Variants in MAGI1 observed in about 807,000 individuals in gnomAD.
The protein encoded by MAGI1 is membrane-associated guanylate kinase, WW and PDZ domain-containing protein 1.
Under a neutral mutation model 139.9 loss-of-function variants are expected in MAGI1, and 58 were observed. The ratio of observed to expected loss-of-function variants is 0.41; its 90% CI spans 0.34 to 0.52. MAGI1 has a LOEUF of 0.52. MAGI1 is among the 20% of genes least tolerant of loss of function. The pLI, the probability that MAGI1 is intolerant of heterozygous loss-of-function variation, is 0.12. For synonymous variants in MAGI1, 812 were observed against 737.9 expected (o/e 1.10, Z -1.63); for missense variants, 1,874 against 1,901.6 (o/e 0.99, Z 0.27).
At chr3:65,883,203 G>T (rs71306783) in intron 1 of MAGI1, among the ~76,000 whole-genome samples, 2,869 of 152,182 alleles carry the variant, frequency 0.019, 41 homozygotes, top group Non-Finnish European at 0.03. Context: ...TTCGAAATGA[G>T]CCCAAAATAT....
rs202205488 is a variant in MAGI1, at chr3:65,938,316, CTAAA to C, written c.313+99676_313+99679del. Among the ~76,000 whole-genome samples the C allele has an allele frequency of 1.9e-3, 283 of 147,450 alleles. 2 individuals are homozygous for C. Among genetic ancestry groups the C allele is most frequent in the Non-Finnish European group, 3.1e-3 (206 of 67,030 alleles). Reference sequence around the variant, plus strand: ...ATTATAATATATTAACATAATTATACTAAATAAATTAATATAAATATATTAAATG... The same window carrying C: ...ATTATAATATATTAACATAATTATACTAAATTAATATAAATATATTAAATG... On this transcript the variant is annotated intron_variant, in intron 1 of 22. Coordinates refer to ENST00000402939, the MANE Select transcript of MAGI1 (RefSeq NM_001033057.2).
At chr3:65,783,818 A>AAATT (rs1420942592) in intron 1 of MAGI1, among the ~76,000 whole-genome samples, 17 of 151,624 alleles carry the variant, frequency 1.1e-4, no homozygotes, top group African/African-American at 4.1e-4. Context: ...AAAAAAAAAA[A>AAATT]AATTAATTTT....
chr3:65,755,241 C>G (rs926826467), intron 1 of MAGI1, among the ~76,000 whole-genome samples: 3 of 152,120 alleles, frequency 2.0e-5, no homozygotes, highest in East Asian at 1.9e-4. Flanking sequence ...AGCCACCGCG[C>G]TCGGCCACAA....
chr3:66,008,707 G>C (rs947366613), intron 1 of MAGI1: 5 of 152,066 alleles, frequency 3.3e-5, no homozygotes, highest in African/African-American at 1.2e-4. Context: ...GAGTATGGGG[G>C]GGCAGGGAAC....
rs397989928 is a variant in MAGI1, at chr3:65,910,855, C to CTTTT, written c.313+127137_313+127140dup. ...TGAGGCCTCTTTCAGACATGGTGGACTTTTTTTTTTTTTTTTTTTTGAGAT... is the reference window on the plus strand; with the variant it reads ...TGAGGCCTCTTTCAGACATGGTGGACTTTTTTTTTTTTTTTTTTTTTTTTGAGAT... On this transcript the variant is annotated intron_variant, in intron 1 of 22. Coordinates refer to ENST00000402939, the MANE Select transcript of MAGI1 (RefSeq NM_001033057.2). Among the ~76,000 whole-genome samples, 6 of 59,478 alleles carry CTTTT rather than the reference C, an allele frequency of 1.0e-4. 2 individuals carry two copies. The highest frequency in any genetic ancestry group is 3.9e-4 in the African/African-American group (5 of 12,680). The allele number at this position is 59,478 out of a possible 152,430, so 39.0% of individuals were successfully genotyped here.
chr3:65,556,596 C>T (rs145850941), intron 2 of MAGI1, among the ~76,000 whole-genome samples: 2 of 152,314 alleles, frequency 1.3e-5, no homozygotes, highest in African/African-American at 4.8e-5. Context: ...CAATTTTCCT[C>T]CTAAATATAT....
chr3:65,674,906 A>G (rs1250992677), intron 1 of MAGI1, among the ~76,000 whole-genome samples: 1 of 152,170 alleles, frequency 6.6e-6, no homozygotes, highest in Non-Finnish European at 1.5e-5. Context: ...TACACTTCAA[A>G]CTTCCTGTAG....
At position 65,533,437 on chromosome 3, in the gene MAGI1, C is replaced by T. The variant is rs907761006; in HGVS notation, c.431-39806G>A. Among the ~76,000 whole-genome samples, 14 of 152,126 alleles carry T rather than the reference C, an allele frequency of 9.2e-5. 1 individual carries two copies. The highest frequency in any genetic ancestry group is 1.5e-5 in the Non-Finnish European group (1 of 68,008). On this transcript the variant is annotated intron_variant, in intron 2 of 22. Coordinates refer to ENST00000402939, the MANE Select transcript of MAGI1 (RefSeq NM_001033057.2). Reference sequence around the variant, plus strand: ...CTTAGGAAGAAACTCAGACTGTACCCGTAATTGTCATTTTTGGATCCATTT... The same window carrying T: ...CTTAGGAAGAAACTCAGACTGTACCTGTAATTGTCATTTTTGGATCCATTT...
intron 3 of MAGI1, among the ~76,000 whole-genome samples, chr3:65,484,835 T>C (rs1951527615): frequency 6.6e-6 from 1 of 152,210 alleles, no homozygotes; most frequent in South Asian, 2.1e-4. Flanking sequence ...AGTTCTTATA[T>C]GTTCTCAAGG....
intron 22 of MAGI1, among the ~76,000 whole-genome samples, chr3:65,358,133 C>T (rs1370410619): frequency 6.6e-6 from 1 of 152,090 alleles, no homozygotes; most frequent in African/African-American, 2.4e-5. Flanking sequence ...GGTTTAAAAG[C>T]AGGGCAGCCC....
intron 1 of MAGI1, among the ~76,000 whole-genome samples, chr3:65,979,441 A>G (rs897278030): frequency 1.3e-5 from 2 of 152,050 alleles, no homozygotes; most frequent in Admixed American, 6.6e-5. Flanking sequence ...GGGAAGTGCT[A>G]TTTTTCTTCA....
At chr3:65,584,002 A>T (rs1278320672) in intron 2 of MAGI1, among the ~76,000 whole-genome samples, 1 of 151,774 alleles carries the variant, frequency 6.6e-6, no homozygotes, top group Non-Finnish European at 1.5e-5. Flanking sequence ...GCAATAAAAT[A>T]ATAATTAACA....
chr3:65,405,805 G>C (rs949988189), intron 12 of MAGI1, among the ~76,000 whole-genome samples: 7 of 133,016 alleles, frequency 5.3e-5, no homozygotes, highest in African/African-American at 1.8e-4. Context: ...ATGTTGGTAA[G>C]GCTGCTCTCA....
At chr3:65,632,725 C>T (rs988466690) in intron 1 of MAGI1, among the ~76,000 whole-genome samples, 8 of 152,310 alleles carry the variant, frequency 5.3e-5, no homozygotes, top group African/African-American at 1.7e-4. Context: ...ACAAGATGTA[C>T]ATGAAGTTGT....
chr3:65,893,458 A>T (rs968062956), intron 1 of MAGI1, among the ~76,000 whole-genome samples: 5 of 152,182 alleles, frequency 3.3e-5, no homozygotes, highest in Admixed American at 6.5e-5. Flanking sequence ...TTCTTCATGC[A>T]TTCTCAAAAA....
chr3:65,942,392 T>C (rs899896273), intron 1 of MAGI1, among the ~76,000 whole-genome samples: 1 of 152,166 alleles, frequency 6.6e-6, no homozygotes, highest in Non-Finnish European at 1.5e-5. Context: ...AGAACTACTA[T>C]CTTTTAGTAG....
intron 1 of MAGI1, among the ~76,000 whole-genome samples, chr3:65,866,640 T>C (rs948753458): frequency 1.3e-5 from 2 of 152,086 alleles, no homozygotes; most frequent in African/African-American, 4.8e-5. Flanking sequence ...TATATATACA[T>C]AGGGCTGACA....
chr3:65,635,190 G>A (rs947064928), intron 1 of MAGI1, among the ~76,000 whole-genome samples: 2 of 151,964 alleles, frequency 1.3e-5, no homozygotes, highest in African/African-American at 4.8e-5. Flanking sequence ...TCAGCCTCCC[G>A]AGTAGCTGGA....
At chr3:65,859,670 G>A (rs1317588252) in intron 1 of MAGI1, among the ~76,000 whole-genome samples, 2 of 151,222 alleles carry the variant, frequency 1.3e-5, no homozygotes, top group African/African-American at 2.4e-5. Flanking sequence ...GCAGTGAGCT[G>A]AGATCATGCC....
Sources: gnomAD v4.1 joint callset for allele counts (sites outside exome capture counted in the v4.1 genomes callset) on GRCh38, gnomAD v4.1.1 for gene constraint, MANE v1.5 for transcripts, NCBI Gene and HGNC (gene_info 2026-07-23, HGNC 2026-07-21) for gene names.